Variants in GPR176 observed in about 807,000 individuals in gnomAD.
GPR176 encodes G protein-coupled receptor 176.
Under a neutral mutation model 35.4 loss-of-function variants are expected in GPR176, and 26 were observed. That is an observed-to-expected ratio of 0.74 (90% confidence interval 0.54 to 1.02). GPR176 has a LOEUF of 1.02. Ranked by LOEUF, GPR176 falls within the 50% of genes least tolerant of loss-of-function variation. The probability of loss-of-function intolerance (pLI) is 0.00; values close to 1 mark genes in which losing one functional copy is unlikely to be tolerated. For missense variants in GPR176, 597 were observed against 665.3 expected (o/e 0.90, Z 1.13); for synonymous variants, 278 against 271.3 (o/e 1.02, Z -0.24).
chr15:39,878,095 C>CGTGTGTGTGT (rs1411063695), intron 1 of GPR176, among the ~76,000 whole-genome samples: 39 of 40,928 alleles, frequency 9.5e-4, no homozygotes, highest in Admixed American at 1.2e-3. Flanking sequence ...CCCATAGTTA[C>CGTGTGTGTGT]CTGTGTGTGT....
intron 1 of GPR176, among the ~76,000 whole-genome samples, chr15:39,836,478 A>G (rs1901405818): frequency 1.3e-5 from 2 of 152,112 alleles, no homozygotes; most frequent in Admixed American, 6.6e-5. Context: ...CCTCCCCAGA[A>G]GCAGATGTTG....
intron 1 of GPR176, among the ~76,000 whole-genome samples, chr15:39,819,642 A>G (rs1900138520): frequency 6.6e-6 from 1 of 152,236 alleles, no homozygotes; most frequent in South Asian, 2.1e-4. Flanking sequence ...GTATTCAACA[A>G]TGATACATCA....
chr15:39,818,904 G>A (rs3784392), intron 1 of GPR176, among the ~76,000 whole-genome samples: 15,262 of 152,112 alleles, frequency 0.1, 1,128 homozygotes, highest in Admixed American at 0.23. Context: ...AACTTTCACG[G>A]CTTCACAAGA....
chr15:39,837,925 G>A (rs1002689676), intron 1 of GPR176, among the ~76,000 whole-genome samples: 1 of 151,084 alleles, frequency 6.6e-6, no homozygotes, highest in Non-Finnish European at 1.5e-5. Flanking sequence ...GGCTGAGGGA[G>A]GAGGATAGTT....
At chr15:39,873,621 C>CT (rs11446640) in intron 1 of GPR176, among the ~76,000 whole-genome samples, 59,142 of 141,718 alleles carry the variant, frequency 0.42, 11,937 homozygotes, top group East Asian at 0.46. Context: ...TTTTTCTTTT[C>CT]TTTTTTTTTT....
chr15:39,867,709 G>T (rs1055334682), intron 1 of GPR176, among the ~76,000 whole-genome samples: 2 of 152,168 alleles, frequency 1.3e-5, no homozygotes, highest in Non-Finnish European at 2.9e-5. Context: ...AGAAAGAGCA[G>T]ATCCTGGAGG....
chr15:39,901,019 A>G (rs8037897), intron 1 of GPR176, among the ~76,000 whole-genome samples: 6,412 of 152,276 alleles, frequency 0.042, 476 homozygotes, highest in African/African-American at 0.15. Flanking sequence ...TAACCCCAAC[A>G]CTACCTTTAT....
chr15:39,804,375 G>A (rs1026535196), intron 2 of GPR176, among the ~76,000 whole-genome samples: 1 of 152,154 alleles, frequency 6.6e-6, no homozygotes, highest in African/African-American at 2.4e-5. Flanking sequence ...TTGCATCTGT[G>A]AATAACAAAA....
chr15:39,893,714 C>A (rs866120005), intron 1 of GPR176, among the ~76,000 whole-genome samples: 1,609 of 150,556 alleles, frequency 0.011, 18 homozygotes, highest in African/African-American at 0.038. Context: ...CCGGGCGGGG[C>A]GGCTGGCCGG....
At chr15:39,811,880 C>T (rs1401648578) in intron 1 of GPR176, among the ~76,000 whole-genome samples, 1 of 150,204 alleles carries the variant, frequency 6.7e-6, no homozygotes, top group Non-Finnish European at 1.5e-5. Context: ...TGCGCCATTG[C>T]ACTCCAGCCT....
intron 1 of GPR176, among the ~76,000 whole-genome samples, chr15:39,843,653 G>A (rs440383): frequency 0.38 from 57,344 of 151,978 alleles, 11,514 homozygotes; most frequent in African/African-American, 0.46. Flanking sequence ...CAGCTAAGAT[G>A]TCATCTGGGT....
rs528498629 is a variant in GPR176, at chr15:39,800,908, C to T, written c.*224G>A. ...TCCCCACAGAGAATAATGTGGACTT[C>T]ACTAAGGACATGGATCACTGAGATG... On this transcript the variant is annotated 3_prime_UTR_variant, in exon 3 of 3. Coordinates refer to ENST00000561100, the MANE Select transcript of GPR176 (RefSeq NM_007223.3). The T allele has an allele frequency of 2.6e-4, 131 of 498,166 alleles. No individual in the cohort carries two copies. The highest frequency in any genetic ancestry group is 2.3e-3 in the African/African-American group (120 of 51,792). The allele number at this position is 498,166 out of a possible 1,614,324, so 30.9% of individuals were successfully genotyped here. A position where few individuals can be genotyped will look rare whatever the true frequency, so the allele number is the denominator to read the frequency against.
intron 1 of GPR176, among the ~76,000 whole-genome samples, chr15:39,840,517 G>A (rs897522314): frequency 4.6e-5 from 7 of 152,114 alleles, no homozygotes; most frequent in Non-Finnish European, 1.0e-4. Context: ...AGCATTAGGA[G>A]ATATACCTAA....
intron 1 of GPR176, among the ~76,000 whole-genome samples, chr15:39,809,931 G>A (rs1899433991): frequency 6.6e-6 from 1 of 152,088 alleles, no homozygotes; most frequent in Non-Finnish European, 1.5e-5. Flanking sequence ...GGATCACGAG[G>A]TCAGGAGATC....
At chr15:39,876,063 A>G (rs909237072) in intron 1 of GPR176, among the ~76,000 whole-genome samples, 1 of 151,696 alleles carries the variant, frequency 6.6e-6, no homozygotes, top group Non-Finnish European at 1.5e-5. Flanking sequence ...AGGTGGGAGG[A>G]TCACTAGAGT....
At position 39,914,600 on chromosome 15, in the gene GPR176, A is replaced by G. The variant is rs559538921; in HGVS notation, c.172+5255T>C. On this transcript the variant is annotated intron_variant, in intron 1 of 2. Transcript: ENST00000561100. ...GCTGGGATTACAGGCATGAGCCACC[A>G]CACCTGGCCCAGGATACCTTATTCT... 7.0e-4 allele frequency among the ~76,000 whole-genome samples: 106 copies of G among 152,140 alleles called. No homozygotes were observed. In the South Asian group the frequency reaches 0.013, roughly 19 times the overall value.
chr15:39,904,219 T>C (rs1035421820), intron 1 of GPR176, among the ~76,000 whole-genome samples: 4 of 152,164 alleles, frequency 2.6e-5, no homozygotes, highest in African/African-American at 9.6e-5. Context: ...TGTGCTGACC[T>C]CCCATCTCAT....
In GPR176 at chr15:39,809,673, C is replaced by T. The variant is rs140860988; in HGVS notation, c.173-2415G>A. On this transcript the variant is annotated intron_variant, in intron 1 of 2. Coordinates refer to ENST00000561100, the MANE Select transcript of GPR176 (RefSeq NM_007223.3). ...CATTATACTTTCTAATGTTTAATTC[C>T]ATGACAATACTCAACGCCATTGCTG... 2.2e-3 allele frequency among the ~76,000 whole-genome samples: 342 copies of T among 152,196 alleles called. 1 individual carries two copies. Among genetic ancestry groups the T allele is most frequent in the African/African-American group, 7.6e-3 (317 of 41,508 alleles).
At chr15:39,875,461 T>C (rs1006380995) in intron 1 of GPR176, among the ~76,000 whole-genome samples, 1 of 152,194 alleles carries the variant, frequency 6.6e-6, no homozygotes, top group African/African-American at 2.4e-5. Context: ...AGCTGACACT[T>C]TAAAGCATTC....
Sources: gnomAD v4.1 joint callset for allele counts (sites outside exome capture counted in the v4.1 genomes callset) on GRCh38, gnomAD v4.1.1 for gene constraint, MANE v1.5 for transcripts, NCBI Gene and HGNC (gene_info 2026-07-23, HGNC 2026-07-21) for gene names.